The following IQSEC1 variants were observed in gnomAD, a reference collection of about 807,000 sequenced individuals.
IQSEC1 encodes IQ motif and SEC7 domain-containing protein 1.
In IQSEC1, 31 loss-of-function variants were observed where a neutral mutation model predicts 91.0. The ratio of observed to expected loss-of-function variants is 0.34; its 90% CI spans 0.26 to 0.46. IQSEC1 has a LOEUF of 0.46. Ranked by LOEUF, IQSEC1 falls within the 20% of genes least tolerant of loss-of-function variation. IQSEC1 has a pLI of 1.00. For missense variants in IQSEC1, 1,388 were observed against 1,575.6 expected (o/e 0.88, Z 2.02); for synonymous variants, 699 against 662.6 (o/e 1.05, Z -0.84).
intron 1 of IQSEC1, among the ~76,000 whole-genome samples, chr3:12,962,049 T>G (rs780412325): frequency 3.9e-5 from 6 of 152,162 alleles, no homozygotes; most frequent in Non-Finnish European, 8.8e-5. Context: ...CTCACAGATG[T>G]GGAAACTGAG....
rs889885550 is a variant in IQSEC1 at position 12,899,774 on chromosome 3, G to A, written c.*1209C>T. ...AAAGTCAACCTTCAGGTTCGAGAGT[G>A]GTTCCTGATGAAAACACTCTCTGAG... On this transcript the variant is annotated 3_prime_UTR_variant, in exon 14 of 14. Transcript: ENST00000613206. 1 of 985,302 alleles carries A rather than the reference G, an allele frequency of 1.0e-6. No homozygotes were observed. The highest frequency in any genetic ancestry group is 1.7e-5 in the African/African-American group (1 of 57,234). The allele number at this position is 985,302 out of a possible 1,614,324, so 61.0% of individuals were successfully genotyped here.
At chr3:12,911,411 T>G (rs983221529) in intron 10 of IQSEC1, among the ~76,000 whole-genome samples, 2 of 152,296 alleles carry the variant, frequency 1.3e-5, no homozygotes, top group Non-Finnish European at 2.9e-5. Flanking sequence ...GCAAACTGAG[T>G]GTCTGTCCAG....
intron 1 of IQSEC1, among the ~76,000 whole-genome samples, chr3:12,964,062 T>A (rs2125500633): frequency 6.6e-6 from 1 of 152,284 alleles, no homozygotes; most frequent in South Asian, 2.1e-4. Context: ...CTTGCCCAAT[T>A]CAGGGTACAG....
chr3:13,112,579 G>T (rs1219215928), intron 2 of IQSEC1, among the ~76,000 whole-genome samples: 1 of 149,336 alleles, frequency 6.7e-6, no homozygotes, highest in African/African-American at 2.6e-5. Flanking sequence ...GGAGGGCACT[G>T]CGTGCTGGCC....
chr3:12,939,209 A>G (rs941396370), intron 2 of IQSEC1, among the ~76,000 whole-genome samples: 3 of 152,236 alleles, frequency 2.0e-5, no homozygotes, highest in South Asian at 2.1e-4. Context: ...CCCAGGGCAC[A>G]TGGTTCCTGG....
intron 1 of IQSEC1, among the ~76,000 whole-genome samples, chr3:13,234,780 CTTAA>C (rs900589486): frequency 2.0e-4 from 31 of 152,314 alleles, no homozygotes; most frequent in Non-Finnish European, 3.8e-4. Context: ...ATTAGTGTTC[CTTAA>C]TTCTTTCCTG....
chr3:12,950,352 G>A (rs1283532079), intron 1 of IQSEC1, among the ~76,000 whole-genome samples: 1 of 152,214 alleles, frequency 6.6e-6, no homozygotes, highest in East Asian at 1.9e-4. Flanking sequence ...GACCTCAAAG[G>A]AAAACCGAAT....
chr3:13,148,137 CT>C (rs1478723798), intron 2 of IQSEC1, among the ~76,000 whole-genome samples: 1 of 152,194 alleles, frequency 6.6e-6, no homozygotes, highest in Non-Finnish European at 1.5e-5. Flanking sequence ...TTGTTTGTGA[CT>C]TTTTAATAAT....
chr3:12,931,163 T>C lies in IQSEC1; in HGVS notation c.1568+4285A>G, dbSNP rs544752873. ...CAGGGCTTCCCTTGGCACTGTCTTCTTCTCCAAGACTCAGCACCAGCCACC... is the reference window on the plus strand; with the variant it reads ...CAGGGCTTCCCTTGGCACTGTCTTCCTCTCCAAGACTCAGCACCAGCCACC... On this transcript the variant is annotated intron_variant, in intron 3 of 13. Transcript: ENST00000613206. Among the ~76,000 whole-genome samples, 6 of 152,264 alleles carry C rather than the reference T, an allele frequency of 3.9e-5. No individual in the cohort carries two copies. In the East Asian group the frequency reaches 1.2e-3, roughly 30 times the overall value.
At chr3:13,183,442 T>C (rs1037527701) in intron 1 of IQSEC1, among the ~76,000 whole-genome samples, 1 of 144,802 alleles carries the variant, frequency 6.9e-6, no homozygotes, top group Non-Finnish European at 1.5e-5. Context: ...GGTGCAGGCC[T>C]GTGGTCCCAG....
chr3:12,933,738 T>C (rs1697916109), intron 3 of IQSEC1, among the ~76,000 whole-genome samples: 1 of 152,148 alleles, frequency 6.6e-6, no homozygotes, highest in East Asian at 1.9e-4. Context: ...TTCCTAGAAG[T>C]GCACACAAAT....
At chr3:13,197,208 T>C (rs564792273) in intron 1 of IQSEC1, among the ~76,000 whole-genome samples, 1 of 152,222 alleles carries the variant, frequency 6.6e-6, no homozygotes, top group Non-Finnish European at 1.5e-5. Context: ...ACATGAACCA[T>C]GTCTTCCTTC....
intron 1 of IQSEC1, among the ~76,000 whole-genome samples, chr3:13,024,371 C>CTCCATCCA (rs55811710): frequency 1.5e-3 from 218 of 142,076 alleles, no homozygotes; most frequent in African/African-American, 4.7e-3. Context: ...CCATCCATCA[C>CTCCATCCA]TCCATCCATC....
chr3:13,089,811 G>T (rs1338950958), intron 2 of IQSEC1, among the ~76,000 whole-genome samples: 1 of 152,212 alleles, frequency 6.6e-6, no homozygotes, highest in East Asian at 1.9e-4. Flanking sequence ...CTGCGAATGG[G>T]TATGGAGTTT....
intron 1 of IQSEC1, among the ~76,000 whole-genome samples, chr3:13,071,947 C>T (rs1014947845): frequency 6.6e-5 from 10 of 152,262 alleles, no homozygotes; most frequent in African/African-American, 2.4e-4. Context: ...GTTTACTTTC[C>T]CTCAGTGGAG....
intron 1 of IQSEC1, among the ~76,000 whole-genome samples, chr3:13,190,942 TG>T (rs2125033263): frequency 6.6e-6 from 1 of 152,286 alleles, no homozygotes; most frequent in African/African-American, 2.4e-5. Flanking sequence ...CCTTCTCTAC[TG>T]TACCCTAGTG....
intron 1 of IQSEC1, among the ~76,000 whole-genome samples, chr3:13,256,301 C>A (rs1482072919): frequency 6.6e-6 from 1 of 152,120 alleles, no homozygotes; most frequent in Non-Finnish European, 1.5e-5. Flanking sequence ...TGAATGCACA[C>A]TTCAAATGGC....
In IQSEC1 at chr3:12,922,054, C is replaced by T. The variant is rs547583461; in HGVS notation, c.1853+66G>A. 7.1e-5 allele frequency: 106 copies of T among 1,497,762 alleles called. No individual in the cohort carries two copies. The Admixed American group carries it at 1.8e-3, about 25-fold the overall frequency. 92.8% of individuals were successfully genotyped at this position (1,497,762 alleles called of 1,614,324 possible). A position where few individuals can be genotyped will look rare whatever the true frequency, so the allele number is the denominator to read the frequency against. On this transcript the variant is annotated intron_variant, in intron 5 of 13. Coordinates refer to ENST00000613206, the MANE Select transcript of IQSEC1 (RefSeq NM_001134382.3). The surrounding 1 kb of genome is among the most constrained non-coding windows in gnomAD (Gnocchi z 5.1). ...GGGGATGCAGTCTTTGGTCCATCCTCGGGCCCTGAAGCTGGGGGACACCAT... is the reference window on the plus strand; with the variant it reads ...GGGGATGCAGTCTTTGGTCCATCCTTGGGCCCTGAAGCTGGGGGACACCAT...
At position 12,897,146 on chromosome 3, in the gene IQSEC1, G is replaced by A. The variant is rs1399763508; in HGVS notation, c.*3837C>T. 6.6e-6 allele frequency: 1 copy of A among 152,228 alleles called. No individual in the cohort carries two copies. The highest frequency in any genetic ancestry group is 1.5e-5 in the Non-Finnish European group (1 of 68,040). The allele number at this position is 152,228 out of a possible 1,614,324, so 9.4% of individuals were successfully genotyped here. A position where few individuals can be genotyped will look rare whatever the true frequency, so the allele number is the denominator to read the frequency against. ...GCCCAGAGTCACAACAAGTAATGGG[G>A]AAACTCATCAGCTGGAGATCTGGGT... is the stretch of plus-strand genomic sequence containing the variant. On this transcript the variant is annotated 3_prime_UTR_variant, in exon 14 of 14. Coordinates refer to ENST00000613206, the MANE Select transcript of IQSEC1 (RefSeq NM_001134382.3).
Sources: allele counts gnomAD v4.1 joint callset (sites outside exome capture counted in the v4.1 genomes callset), GRCh38; gene constraint gnomAD v4.1.1; non-coding constraint Gnocchi (gnomAD v3.1); transcripts MANE v1.5; gene names NCBI Gene and HGNC (gene_info 2026-07-23, HGNC 2026-07-21).